PFKFB3: variants seen among roughly 807,000 people sequenced by gnomAD.
PFKFB3 encodes 6-phosphofructo-2-kinase/fructose-2,6-bisphosphatase 3.
Under a neutral mutation model 68.0 loss-of-function variants are expected in PFKFB3, and 33 were observed. The ratio of observed to expected loss-of-function variants is 0.49; its 90% CI spans 0.37 to 0.65. The LOEUF is 0.65. Among genes scored for constraint, PFKFB3 ranks in the 30% least tolerant of loss-of-function variants. The probability of loss-of-function intolerance (pLI) is 0.00; values close to 1 mark genes in which losing one functional copy is unlikely to be tolerated. For synonymous variants in PFKFB3, 315 were observed against 288.2 expected, an observed-to-expected ratio of 1.09 and a Z score of -0.94; for missense variants, 586 against 712.2, an observed-to-expected ratio of 0.82 and a Z score of 2.02.
the PFKFB3 span, among the ~76,000 whole-genome samples, chr10:6,309,890 T>A: frequency 1.8e-4 from 27 of 152,316 alleles, no homozygotes; most frequent in South Asian, 4.1e-4. Context: ...CAACATTTTT[T>A]AAAAATGTGT....
intron 1 of PFKFB3, among the ~76,000 whole-genome samples, chr10:6,158,628 G>C (rs760095121): frequency 8.5e-5 from 13 of 152,142 alleles, no homozygotes; most frequent in African/African-American, 1.7e-4. Flanking sequence ...CACTTTGGGA[G>C]GCCTAGGCAG....
At chr10:6,259,540 G>C (rs974423109), downstream of PFKFB3, among the ~76,000 whole-genome samples, 17 of 12,474 alleles carry the variant, frequency 1.4e-3, no homozygotes, top group African/African-American at 1.9e-3. Context: ...CCATCCATCT[G>C]CTCATCCATC....
the PFKFB3 span, among the ~76,000 whole-genome samples, chr10:6,267,143 A>G: frequency 4.6e-5 from 7 of 152,260 alleles, no homozygotes; most frequent in South Asian, 2.1e-4. Flanking sequence ...ACATGCAAAC[A>G]TAAGCGCATT....
At chr10:6,257,372 T>A (rs76392654), downstream of PFKFB3, among the ~76,000 whole-genome samples, 1 of 152,038 alleles carries the variant, frequency 6.6e-6, no homozygotes, top group Non-Finnish European at 1.5e-5. Context: ...CTGGGAAAAA[T>A]AAACAAGCAC....
chr10:6,207,714 A>G (rs57770060), intron 1 of PFKFB3, among the ~76,000 whole-genome samples: 83,795 of 152,160 alleles, frequency 0.55, 23,861 homozygotes, highest in East Asian at 0.83. Context: ...CCTTGGAGGC[A>G]CCTTAACGGG....
At chr10:6,236,309 CAT>C (rs1846010437), downstream of PFKFB3, among the ~76,000 whole-genome samples, 1 of 152,258 alleles carries the variant, frequency 6.6e-6, no homozygotes, top group Non-Finnish European at 1.5e-5. Context: ...TCAGCGTCTG[CAT>C]CTCTGCAGAT....
At chr10:6,232,617 A>G (rs1206207504) in intron 14 of PFKFB3, among the ~76,000 whole-genome samples, 1 of 152,026 alleles carries the variant, frequency 6.6e-6, no homozygotes, top group East Asian at 1.9e-4. Flanking sequence ...CGCGCAGCTC[A>G]CGGTCCTCCA....
intron 1 of PFKFB3, among the ~76,000 whole-genome samples, chr10:6,165,326 T>TGG (rs1226108339): frequency 2.0e-5 from 3 of 152,228 alleles, no homozygotes. Flanking sequence ...AGCATAGGGT[T>TGG]GGGGCTACAG....
chr10:6,211,939 G>A (rs998152135), intron 1 of PFKFB3, among the ~76,000 whole-genome samples: 1 of 152,244 alleles, frequency 6.6e-6, no homozygotes, highest in African/African-American at 2.4e-5. Flanking sequence ...ATTGACTTCA[G>A]TTTGGAGCCC....
chr10:6,287,181 G>C, the PFKFB3 span, among the ~76,000 whole-genome samples: 5 of 152,056 alleles, frequency 3.3e-5, no homozygotes, highest in Non-Finnish European at 5.9e-5. Flanking sequence ...CCATCTTCTG[G>C]GTTCAAGCAA....
intron 1 of PFKFB3, among the ~76,000 whole-genome samples, chr10:6,189,417 C>G (rs1842966665): frequency 1.3e-5 from 2 of 151,630 alleles, no homozygotes; most frequent in African/African-American, 4.9e-5. Context: ...TCTGTTGCTT[C>G]TTCCTAATTA....
chr10:6,176,868 C>T (rs1236832965), intron 1 of PFKFB3, among the ~76,000 whole-genome samples: 1 of 152,134 alleles, frequency 6.6e-6, no homozygotes, highest in East Asian at 1.9e-4. Context: ...AGCCACAGAA[C>T]CCTCTCTTCA....
At chr10:6,219,823 G>A (rs1224661768) in intron 7 of PFKFB3, 130 bp downstream of exon 7, 9 of 876,526 alleles carry the variant, frequency 1.0e-5, no homozygotes, top group Non-Finnish European at 1.6e-5. Flanking sequence ...TTTTTGTAGA[G>A]ATGAGGTCTC....
chr10:6,318,364 C>G, the PFKFB3 span, among the ~76,000 whole-genome samples: 2 of 152,180 alleles, frequency 1.3e-5, no homozygotes, highest in Admixed American at 1.3e-4. Context: ...TTGGTAGAAG[C>G]CCCATGACGG....
In PFKFB3 at chr10:6,220,808, G is replaced by C. The variant is rs759364786; in HGVS notation, c.774G>C (p.Glu258Asp). Residue 258 changes from glutamate to aspartate, a missense_variant, in exon 8 of 15, where the codon GAG becomes GAC. By Grantham distance (45) the Glu-to-Asp change is conservative. Transcript: ENST00000379775. This position sits in a 1 kb window ranked among gnomAD's most constrained non-coding sequence, Gnocchi z 4.1. ...TIYLCRHGEN[E>D]HNLQGRIGGD... is the part of the protein sequence containing the mutation. ...ACCTGTGCCGGCACGGCGAGAACGA[G>C]CACAACCTCCAGGGCCGCATCGGGG... 3 of 1,613,864 alleles carry C rather than the reference G, an allele frequency of 1.9e-6. No homozygotes were observed.
rs1398578479 is a variant in PFKFB3 at position 6,235,207 on chromosome 10, A to G, written c.*2265A>G. The G allele has an allele frequency of 1.3e-5, 2 of 152,784 alleles. No individual in the cohort carries two copies. Among genetic ancestry groups the G allele is most frequent in the African/African-American group, 2.4e-5 (1 of 41,452 alleles). The allele number at this position is 152,784 out of a possible 1,614,324, so 9.5% of individuals were successfully genotyped here. On this transcript the variant is annotated 3_prime_UTR_variant, in exon 15 of 15. Coordinates refer to ENST00000379775, the MANE Select transcript of PFKFB3 (RefSeq NM_004566.4). ...GCAAAGCTCTTCATTTTGAGAGAGA[A>G]GAAAAACTGTTTGGAACCACACCAA... is the stretch of plus-strand genomic sequence containing the variant.
At position 6,210,508 on chromosome 10, in the gene PFKFB3, C is replaced by G. The variant is rs549029645; in HGVS notation, c.77-3115C>G. 1.7e-5 allele frequency among the ~76,000 whole-genome samples: 2 copies of G among 115,020 alleles called. 1 individual carries two copies. Among genetic ancestry groups the G allele is most frequent in the Non-Finnish European group, 4.2e-5 (2 of 47,382 alleles). 75.5% of individuals were successfully genotyped at this position (115,020 alleles called of 152,430 possible). On this transcript the variant is annotated intron_variant, in intron 1 of 14. Coordinates refer to ENST00000379775, the MANE Select transcript of PFKFB3 (RefSeq NM_004566.4). ...CCCGAGTAGCTGGGACTACAGGCGC[C>G]CGCCAACATGGCCGGCTAATTTTTT... is the stretch of plus-strand genomic sequence containing the variant.
At chr10:6,199,578 G>A (rs1843266141), upstream of PFKFB3, among the ~76,000 whole-genome samples, 1 of 150,896 alleles carries the variant, frequency 6.6e-6, no homozygotes, top group South Asian at 2.1e-4. Flanking sequence ...TCTGCCTCCT[G>A]GGCTCAGGTG....
At chr10:6,209,932 TG>T (rs1347311201) in intron 1 of PFKFB3, among the ~76,000 whole-genome samples, 1 of 151,874 alleles carries the variant, frequency 6.6e-6, no homozygotes, top group Non-Finnish European at 1.5e-5. Context: ...GCCTGGCTAA[TG>T]TTTTGTATTT....
Sources: gnomAD v4.1 joint callset for allele counts (sites outside exome capture counted in the v4.1 genomes callset) on GRCh38, gnomAD v4.1.1 for gene constraint, Gnocchi (gnomAD v3.1) non-coding constraint, MANE v1.5 for transcripts, NCBI Gene and HGNC (gene_info 2026-07-23, HGNC 2026-07-21) for gene names.